FXYD2: variants seen among roughly 807,000 people sequenced by gnomAD.
FXYD2 encodes the protein FXYD domain containing ion transport regulator 2.
Under a neutral mutation model 11.8 loss-of-function variants are expected in FXYD2, and 8 were observed. The ratio of observed to expected loss-of-function variants is 0.68; its 90% CI spans 0.40 to 1.22. FXYD2 has a LOEUF of 1.22. FXYD2 is among the 50% of genes most tolerant of loss of function. FXYD2 has a pLI of 0.01. For missense variants in FXYD2, 92 were observed against 91.8 expected (o/e 1.00, Z -0.01); for synonymous variants, 42 against 33.3 (o/e 1.26, Z -0.90).
Position 117,822,440 on chromosome 11 carries a change from T to G in FXYD2, c.105A>C (p.Gly35=). The part of the protein sequence containing the change: ...TVRNGGLIFA[G]LAFIVGLLIL... ...TGAGGAGCCCCACGATGAAGGCCAG[T>G]CCAGCGAAGATCAGGCCCCCATTGC... is the stretch of plus-strand genomic sequence containing the variant. Residue 35 remains glycine (G), a synonymous_variant, in exon 3 of 6, where the codon GGA becomes GGC. Transcript: ENST00000292079. The surrounding 1 kb of genome is among the most constrained non-coding windows in gnomAD (Gnocchi z 4.7). 6.4e-7 allele frequency: 1 copy of G among 1,563,220 alleles called. No homozygotes were observed. Among genetic ancestry groups the G allele is most frequent in the Non-Finnish European group, 8.7e-7 (1 of 1,152,920 alleles).
intron 3 of FXYD2, chr11:117,821,352 C>G: frequency 2.0e-6 from 2 of 989,354 alleles, no homozygotes; most frequent in Non-Finnish European, 2.4e-6. Context: ...TGAGCCACCA[C>G]GCCCAGCCTT....
At chr11:117,826,193 CATGGAAAAGCCAGCCACCCTCCAATGAA>C (rs1483675702), upstream of FXYD2, among the ~76,000 whole-genome samples, 1 of 152,140 alleles carries the variant, frequency 6.6e-6, no homozygotes, top group Admixed American at 6.5e-5. Context: ...TGCTGTTGGA[CATGGAAAAGCCAGCCACCCTCCAATGAA>C]AATGGGCACG....
upstream of FXYD2, among the ~76,000 whole-genome samples, chr11:117,826,754 A>ATG: frequency 7.0e-6 from 1 of 143,704 alleles, no homozygotes; most frequent in East Asian, 2.2e-4. Flanking sequence ...AAATAAATTC[A>ATG]TCTGTCTGTC....
At chr11:117,820,750 A>G in intron 4 of FXYD2, 54 bp from the exon 5 acceptor site, 1 of 1,613,198 alleles carries the variant, frequency 6.2e-7, no homozygotes. Flanking sequence ...GGGTGGGTCT[A>G]GGGATCTCTG....
upstream of FXYD2, chr11:117,827,897 GC>G (rs2056077740): frequency 8.4e-6 from 7 of 833,768 alleles, no homozygotes; most frequent in South Asian, 1.0e-4. Context: ...TGCTTTTCCT[GC>G]ACTTCTGGGG....
chr11:117,824,431 G>A lies in FXYD2; in HGVS notation c.25+223C>T. The A allele has an allele frequency of 1.6e-6, 1 of 627,166 alleles. No homozygotes were observed. The highest frequency in any genetic ancestry group is 1.8e-5 in the South Asian group (1 of 55,078). 38.9% of individuals were successfully genotyped at this position (627,166 alleles called of 1,614,324 possible). On this transcript the variant is annotated intron_variant, in intron 1 of 5. Coordinates refer to ENST00000292079, the MANE Select transcript of FXYD2 (RefSeq NM_001680.5). The surrounding 1 kb of genome is among the most constrained non-coding windows in gnomAD (Gnocchi z 4.0). ...CTCAGCTCTCCAGCTTCTATCTGCT[G>A]CCTTTCTGCCACTCAAGCTATCTTT...
At chr11:117,823,710 C>T (rs1173941395) in intron 1 of FXYD2, among the ~76,000 whole-genome samples, 1 of 152,238 alleles carries the variant, frequency 6.6e-6, no homozygotes, top group Admixed American at 6.5e-5. Context: ...CTGCCGGAGC[C>T]CCTTCTCGCA....
At position 117,820,675 on chromosome 11, in the gene FXYD2, C is replaced by T. The variant is rs149353193; in HGVS notation, c.198G>A (p.Pro66=). 66 of 1,614,030 alleles carry T rather than the reference C, an allele frequency of 4.1e-5. No homozygotes were observed. Among genetic ancestry groups the T allele is most frequent in the East Asian group, 6.7e-5 (3 of 44,882 alleles). ...GGCCCTCCTAGCATACCTGCTGTTA[C>T]GGCTCATCTTCATTGATTTGCCTGG... ...KKRRQINEDE[P] is the part of the protein sequence containing the mutation. The change falls in exon 5 of 6, where the codon CCG becomes CCA. Residue 66 remains proline, a synonymous_variant. Coordinates refer to ENST00000292079, the MANE Select transcript of FXYD2 (RefSeq NM_001680.5).
chr11:117,826,806 ATCTATCTATCTATCTATCTG>A (rs1301775638), upstream of FXYD2, among the ~76,000 whole-genome samples: 364 of 144,924 alleles, frequency 2.5e-3, 7 homozygotes, highest in African/African-American at 8.5e-3. Context: ...CTATCTATCT[ATCTATCTATCTATCTATCTG>A]TCTATCTATC....
In FXYD2 at chr11:117,824,659, T is replaced by A; in HGVS notation, c.20A>T (p.Asp7Val). The change falls in exon 1 of 6, where the codon GAC becomes GTC. Residue 7 changes from aspartate (D) to valine (V), a missense_variant. Coordinates refer to ENST00000292079, the MANE Select transcript of FXYD2 (RefSeq NM_001680.5). This position sits in a 1 kb window ranked among gnomAD's most constrained non-coding sequence, Gnocchi z 4.0. ...ACGCACACCAGCACACTCACCACCGTCCATCGACAACCCAGTCATTTCCCC... is the reference window on the plus strand; with the variant it reads ...ACGCACACCAGCACACTCACCACCGACCATCGACAACCCAGTCATTTCCCC... MTGLSM[D>V]GGGSPKGDVD... 1 of 1,613,710 alleles carries A rather than the reference T, an allele frequency of 6.2e-7. No individual in the cohort carries two copies. Among genetic ancestry groups the A allele is most frequent in the Non-Finnish European group, 8.5e-7 (1 of 1,179,738 alleles).
intron 5 of FXYD2, 23 bp from the exon 6 acceptor site, chr11:117,820,395 G>A: frequency 1.8e-6 from 1 of 544,092 alleles, no homozygotes; most frequent in Non-Finnish European, 3.3e-6. Context: ...AGGCAGGATG[G>A]GGTTGGGTGG....
chr11:117,825,504 T>C (rs757974659), upstream of FXYD2, among the ~76,000 whole-genome samples: 6 of 152,038 alleles, frequency 3.9e-5, no homozygotes, highest in South Asian at 8.3e-4. Flanking sequence ...GCGTTTATGG[T>C]TTACCAAGCA....
In FXYD2 at chr11:117,824,571, G is replaced by T; in HGVS notation, c.25+83C>A. ...TGAGGTGGCAGGAGAGGGAAGAGTA[G>T]GGTCCAGCTGACCCCACAAAGGCAG... On this transcript the variant is annotated intron_variant, in intron 1 of 5. Transcript: ENST00000292079. The surrounding 1 kb of genome is among the most constrained non-coding windows in gnomAD (Gnocchi z 4.0). The T allele has an allele frequency of 4.6e-6, 5 of 1,098,158 alleles. No individual in the cohort carries two copies. The Admixed American group carries it at 6.9e-5, about 15-fold the overall frequency. The allele number at this position is 1,098,158 out of a possible 1,614,324, so 68.0% of individuals were successfully genotyped here. A position where few individuals can be genotyped will look rare whatever the true frequency, so the allele number is the denominator to read the frequency against.
At chr11:117,827,258 C>CT (rs2056064837), upstream of FXYD2, among the ~76,000 whole-genome samples, 7 of 152,030 alleles carry the variant, frequency 4.6e-5, no homozygotes, top group African/African-American at 2.4e-5. Context: ...GAAATTAATT[C>CT]TTTTTTTTAA....
intron 1 of FXYD2, among the ~76,000 whole-genome samples, chr11:117,823,448 C>T (rs2055960557): frequency 6.6e-6 from 1 of 152,190 alleles, no homozygotes; most frequent in Non-Finnish European, 1.5e-5. Flanking sequence ...GTGTTTGAAC[C>T]CAGGAAGCAG....
Position 117,822,577 on chromosome 11 carries a change from G to C in FXYD2, c.65-97C>G. On this transcript the variant is annotated intron_variant, in intron 2 of 5. Transcript: ENST00000292079. This position sits in a 1 kb window ranked among gnomAD's most constrained non-coding sequence, Gnocchi z 4.7. ...CCGCAGCAGCCCGTGGTAACCAGGG[G>C]AGATAAGGGGCACAGAGCATGGACC... is the stretch of plus-strand genomic sequence containing the variant. 1 of 1,566,858 alleles carries C rather than the reference G, an allele frequency of 6.4e-7. No homozygotes were observed. The highest frequency in any genetic ancestry group is 8.7e-7 in the Non-Finnish European group (1 of 1,155,424).
At chr11:117,824,841 G>A (rs948604030), upstream of FXYD2, 8 of 866,540 alleles carry the variant, frequency 9.2e-6, no homozygotes, top group Admixed American at 4.0e-5. This position sits in a 1 kb window ranked among gnomAD's most constrained non-coding sequence, Gnocchi z 4.0. Context: ...GCTGCAGTGT[G>A]GATGGAGGGG....
intron 3 of FXYD2, 51 bp from the exon 4 acceptor site, chr11:117,820,946 A>AC: frequency 6.2e-7 from 1 of 1,613,446 alleles, no homozygotes; most frequent in Non-Finnish European, 8.5e-7. Context: ...TTCCAAGGAG[A>AC]CCCTGGAAGA....
In FXYD2 at chr11:117,824,578, G is replaced by C. The variant is rs2055994073; in HGVS notation, c.25+76C>G. On this transcript the variant is annotated intron_variant, in intron 1 of 5. Coordinates refer to ENST00000292079, the MANE Select transcript of FXYD2 (RefSeq NM_001680.5). This position sits in a 1 kb window ranked among gnomAD's most constrained non-coding sequence, Gnocchi z 4.0. ...GCAGGAGAGGGAAGAGTAGGGTCCA[G>C]CTGACCCCACAAAGGCAGGCCAATC... The C allele has an allele frequency of 8.4e-7, 1 of 1,187,638 alleles. No individual in the cohort carries two copies. Among genetic ancestry groups the C allele is most frequent in the Non-Finnish European group, 1.3e-6 (1 of 793,866 alleles). The allele number at this position is 1,187,638 out of a possible 1,614,324, so 73.6% of individuals were successfully genotyped here.
Sources: allele counts gnomAD v4.1 joint callset (sites outside exome capture counted in the v4.1 genomes callset), GRCh38; gene constraint gnomAD v4.1.1; non-coding constraint Gnocchi (gnomAD v3.1); transcripts MANE v1.5; gene names NCBI Gene and HGNC (gene_info 2026-07-23, HGNC 2026-07-21).